SEC16A: variants seen among roughly 807,000 people sequenced by gnomAD.
SEC16A encodes SEC16 homolog A, endoplasmic reticulum export factor.
In SEC16A, 110 loss-of-function variants were observed where a neutral mutation model predicts 221.9. That is an observed-to-expected ratio of 0.50 (90% CI 0.42 to 0.58). The LOEUF (loss-of-function observed/expected upper bound fraction) is 0.58, where lower values mean the gene tolerates loss of function less well. Among genes scored for constraint, SEC16A ranks in the 20% least tolerant of loss-of-function variants. SEC16A has a pLI of 0.00. For synonymous variants in SEC16A, 1,393 were observed against 1,257.7 expected, an observed-to-expected ratio of 1.11 and a Z score of -2.28; for missense variants, 3,165 against 3,097.8, an observed-to-expected ratio of 1.02 and a Z score of -0.52.
At position 136,474,636 on chromosome 9, in the gene SEC16A, G is replaced by A; in HGVS notation, c.2980C>T (p.Leu994=). The A allele has an allele frequency of 2.5e-6, 4 of 1,613,344 alleles. No homozygotes were observed. The highest frequency in any genetic ancestry group is 3.4e-6 in the Non-Finnish European group (4 of 1,179,824). ...AAAGTCCTGCTTAAGGTAAAGTCTA[G>A]GGCTCCGTAAGTGTCTTCCTGATGA... ...SSHQEDTYGA[L]DFTLSRTLEN... The change falls in exon 3 of 32, where the codon CTA becomes TTA. Residue 994 remains leucine (L), a synonymous_variant. Transcript: ENST00000684901.
At chr9:136,467,141 A>G in intron 5 of SEC16A, 58 bp from the exon 6 acceptor site, 2 of 1,601,988 alleles carry the variant, frequency 1.2e-6, no homozygotes, top group Non-Finnish European at 1.7e-6. Context: ...AATGCCTCAG[A>G]TATCACTAAA....
At position 136,474,377 on chromosome 9, in the gene SEC16A, T is replaced by C. The variant is rs1482084211; in HGVS notation, c.3239A>G (p.Glu1080Gly). 1.2e-6 allele frequency: 2 copies of C among 1,612,598 alleles called. No homozygotes were observed. The highest frequency in any genetic ancestry group is 1.7e-6 in the Non-Finnish European group (2 of 1,179,890). ...PPQLPKAMFS[E>G]LSNPESLPAQ... ...GGGCAGACTTTCTGGATTTGACAGC[T>C]CCGAAAACATGGCTTTGGGTAGTTG... The change falls in exon 3 of 32, where the codon GAG becomes GGG. Residue 1080 changes from glutamate to glycine, a missense_variant. Transcript: ENST00000684901.
chr9:136,455,735 G>A lies in SEC16A; in HGVS notation c.5723C>T (p.Pro1908Leu), dbSNP rs765866193. The A allele has an allele frequency of 9.4e-6, 15 of 1,597,756 alleles. No individual in the cohort carries two copies. Among genetic ancestry groups the A allele is most frequent in the African/African-American group, 2.7e-5 (2 of 74,508 alleles). The change falls in exon 20 of 32, where the codon CCG becomes CTG. Residue 1908 changes from proline to leucine, a missense_variant. Physicochemically the swap from Pro to Leu is moderately conservative, Grantham distance 98. Coordinates refer to ENST00000684901, the MANE Select transcript of SEC16A (RefSeq NM_014866.2). Reference protein sequence around the residue: ...GALPQQCPGTPSSEMEQLDRP... With the variant: ...GALPQQCPGTLSSEMEQLDRP... ...GTCCAACTGCTCCATCTCGGAACTC[G>A]GAGTGCCAGGACACTGCTGCGGGAG...
In SEC16A at chr9:136,459,303, G is replaced by A. The variant is rs897957475; in HGVS notation, c.5304-64C>T. On this transcript the variant is annotated intron_variant, in intron 16 of 31. Transcript: ENST00000684901. This position sits in a 1 kb window ranked among gnomAD's most constrained non-coding sequence, Gnocchi z 6.1. ...GCCAATTATTGGCATAGTCAACCTT[G>A]GAGCAAATCATCCAGAAGTGTGTCC... 2.6e-6 allele frequency: 4 copies of A among 1,513,354 alleles called. No individual in the cohort carries two copies. The highest frequency in any genetic ancestry group is 1.4e-5 in the African/African-American group (1 of 72,952). The allele number at this position is 1,513,354 out of a possible 1,614,324, so 93.7% of individuals were successfully genotyped here. A position where few individuals can be genotyped will look rare whatever the true frequency, so the allele number is the denominator to read the frequency against.
At chr9:136,484,544 G>T, upstream of SEC16A, 1 of 1,300,780 alleles carries the variant, frequency 7.7e-7, no homozygotes, top group East Asian at 4.8e-5. Flanking sequence ...GCGCCGTGGT[G>T]GGGGTGCCCG....
Position 136,475,935 on chromosome 9 carries a change from T to C in SEC16A, c.1681A>G (p.Ser561Gly). Residue 561 changes from serine to glycine, a missense_variant, in exon 3 of 32, where the codon AGT (serine) becomes GGT (glycine). Coordinates refer to ENST00000684901, the MANE Select transcript of SEC16A (RefSeq NM_014866.2). This position sits in a 1 kb window ranked among gnomAD's most constrained non-coding sequence, Gnocchi z 5.0. Reference sequence around the variant, plus strand: ...GAAGAATCGATTTGCTTAAAAAAACTACCTGAAGCTTCATCCTCGGGTTTT... The same window carrying C: ...GAAGAATCGATTTGCTTAAAAAAACCACCTGAAGCTTCATCCTCGGGTTTT... ...VGKPEDEASG[S>G]FFKQIDSSPV... The C allele has an allele frequency of 6.2e-7, 1 of 1,613,710 alleles. No individual in the cohort carries two copies. Among genetic ancestry groups the C allele is most frequent in the Non-Finnish European group, 8.5e-7 (1 of 1,179,874 alleles).
intron 23 of SEC16A, among the ~76,000 whole-genome samples, chr9:136,449,281 C>T (rs1304873691): frequency 2.0e-5 from 3 of 152,184 alleles, no homozygotes; most frequent in South Asian, 2.1e-4. Flanking sequence ...GACAGAGTCT[C>T]GCTCTGTCCC....
chr9:136,466,543 G>A lies in SEC16A; in HGVS notation c.3930-81C>T. 2 of 1,367,350 alleles carry A rather than the reference G, an allele frequency of 1.5e-6. No homozygotes were observed. Among genetic ancestry groups the A allele is most frequent in the Non-Finnish European group, 2.0e-6 (2 of 1,013,510 alleles). 84.7% of individuals were successfully genotyped at this position (1,367,350 alleles called of 1,614,324 possible). ...CCATGTGCCACGCAGCTGCCCAGGA[G>A]CTGAGACCGAGACCCCTGGGGCCGA... On this transcript the variant is annotated intron_variant, in intron 6 of 31. Coordinates refer to ENST00000684901, the MANE Select transcript of SEC16A (RefSeq NM_014866.2). The surrounding 1 kb of genome is among the most constrained non-coding windows in gnomAD (Gnocchi z 5.5).
intron 3 of SEC16A, 51 bp downstream of exon 3, chr9:136,473,998 T>A: frequency 6.5e-7 from 1 of 1,536,234 alleles, no homozygotes; most frequent in Non-Finnish European, 8.8e-7. Context: ...GAGACTCAAC[T>A]GGTCAAAGCA....
rs776918665 is a variant in SEC16A at position 136,472,081 on chromosome 9, T to A, written c.3598A>T (p.Arg1200Trp). Reference sequence around the variant, plus strand: ...GCAGACGCAGCACCATCATAGGGCCTGTATCGAGGCTCATAGAGGCTGTAG... The same window carrying A: ...GCAGACGCAGCACCATCATAGGGCCAGTATCGAGGCTCATAGAGGCTGTAG... ...DVYSLYEPRY[R>W]PYDGAASAYA... is the part of the protein sequence containing the mutation. Residue 1200 changes from arginine (R) to tryptophan (W), a missense_variant, in exon 4 of 32, where the codon AGG becomes TGG. Arg to Trp is a moderately radical substitution (Grantham distance 101, BLOSUM62 -3). Around this residue, in one of 3 missense-constraint regions of SEC16A, gnomAD observed 2,030 missense variants for 1,923.1 expected, o/e 1.06. Coordinates refer to ENST00000684901, the MANE Select transcript of SEC16A (RefSeq NM_014866.2). The A allele has an allele frequency of 6.2e-7, 1 of 1,613,700 alleles. No individual in the cohort carries two copies. The highest frequency in any genetic ancestry group is 8.5e-7 in the Non-Finnish European group (1 of 1,179,888).
intron 2 of SEC16A, among the ~76,000 whole-genome samples, chr9:136,477,999 C>G (rs1037119297): frequency 1.3e-5 from 2 of 152,324 alleles, no homozygotes; most frequent in African/African-American, 4.8e-5. Context: ...GCCACAACAA[C>G]AGGGACAGTG....
rs1056116403 is a variant in SEC16A at position 136,447,088 on chromosome 9, C to A, written c.6697+139G>T. The stretch of plus-strand genomic sequence containing the variant: ...AGAAACAGGCAAATCAAAAAAAAAA[C>A]CACAAACCAACCCCAGGCTCTCTGC... On this transcript the variant is annotated intron_variant, in intron 27 of 31. Coordinates refer to ENST00000684901, the MANE Select transcript of SEC16A (RefSeq NM_014866.2). This position sits in a 1 kb window ranked among gnomAD's most constrained non-coding sequence, Gnocchi z 5.5. 6.6e-6 allele frequency: 10 copies of A among 1,513,726 alleles called. No homozygotes were observed. The South Asian group carries it at 1.0e-4, about 16-fold the overall frequency. 93.8% of individuals were successfully genotyped at this position (1,513,726 alleles called of 1,614,324 possible).
At chr9:136,461,736 G>A (rs1839508400) in intron 12 of SEC16A, among the ~76,000 whole-genome samples, 2 of 152,130 alleles carry the variant, frequency 1.3e-5, no homozygotes, top group South Asian at 2.1e-4. Flanking sequence ...AGGCAAAAAC[G>A]TTACAGTAGA....
Position 136,464,471 on chromosome 9 carries a change from G to A in SEC16A, c.4395C>T (p.Pro1465=). 3 of 1,612,920 alleles carry A rather than the reference G, an allele frequency of 1.9e-6. No homozygotes were observed. Among genetic ancestry groups the A allele is most frequent in the South Asian group, 1.1e-5 (1 of 91,050 alleles). ...CCGGCTGTCCTTCTGAAGGCAGATT[G>A]GGAATCACTTTGATAAGCTGACCGC... ...GPGGQLIKVI[P]NLPSEGQPAL... The change falls in exon 9 of 32, where the codon CCC becomes CCT. Residue 1465 remains proline, a synonymous_variant. Coordinates refer to ENST00000684901, the MANE Select transcript of SEC16A (RefSeq NM_014866.2).
intron 20 of SEC16A, 56 bp from the exon 21 acceptor site, chr9:136,454,383 T>C: frequency 1.4e-6 from 2 of 1,444,984 alleles, no homozygotes; most frequent in Non-Finnish European, 1.9e-6. Flanking sequence ...CTTGAGTTAC[T>C]GGAAGGAGCT....
Position 136,447,637 on chromosome 9 carries a change from A to G in SEC16A, c.6491T>C (p.Val2164Ala). ...TGGGAGGGCAGGCGGGGCAGCTTGC[A>G]CAGTCTTGGGCATCGAGGTTGGAGG... ...PPPPTSMPKT[V>A]QAAPPALPGP... is the part of the protein sequence containing the mutation. The change falls in exon 26 of 32, where the codon GTG becomes GCG. Residue 2164 changes from valine (V) to alanine (A), a missense_variant. Physicochemically the swap from Val to Ala is moderately conservative, Grantham distance 64. This residue lies in a region of SEC16A where 1,088 missense variants were observed against 1,089.6 expected (regional missense o/e 1.00). Coordinates refer to ENST00000684901, the MANE Select transcript of SEC16A (RefSeq NM_014866.2). This position sits in a 1 kb window ranked among gnomAD's most constrained non-coding sequence, Gnocchi z 5.5. 1 of 1,613,780 alleles carries G rather than the reference A, an allele frequency of 6.2e-7. No homozygotes were observed. Among genetic ancestry groups the G allele is most frequent in the Non-Finnish European group, 8.5e-7 (1 of 1,179,738 alleles).
intron 20 of SEC16A, 147 bp from the exon 21 acceptor site, chr9:136,454,474 G>A (rs1297056713): frequency 1.2e-6 from 1 of 800,992 alleles, no homozygotes; most frequent in African/African-American, 1.7e-5. Context: ...CAGAAAGCCT[G>A]AAGCCACCAC....
intron 20 of SEC16A, among the ~76,000 whole-genome samples, chr9:136,455,277 C>G (rs1195914082): frequency 1.3e-5 from 2 of 152,156 alleles, no homozygotes; most frequent in Non-Finnish European, 2.9e-5. Context: ...GGGCGCCGCC[C>G]AGACACGGTG....
chr9:136,472,043 G>T lies in SEC16A; in HGVS notation c.3636C>A (p.Asn1212Lys), dbSNP rs753212791. 1.2e-6 allele frequency: 2 copies of T among 1,613,200 alleles called. No individual in the cohort carries two copies. Among genetic ancestry groups the T allele is most frequent in the Non-Finnish European group, 1.7e-6 (2 of 1,179,888 alleles). ...YDGAASAYAQ[N>K]YRYPEPERPS... is the part of the protein sequence containing the mutation. ...GCCGCTCGGGCTCGGGATAGCGGTAGTTCTGGGCGTAAGCAGACGCAGCAC... is the reference window on the plus strand; with the variant it reads ...GCCGCTCGGGCTCGGGATAGCGGTATTTCTGGGCGTAAGCAGACGCAGCAC... The change falls in exon 4 of 32, where the codon AAC (asparagine) becomes AAA (lysine). Residue 1212 changes from asparagine to lysine, a missense_variant. Asn to Lys is a moderately conservative substitution (Grantham distance 94). Coordinates refer to ENST00000684901, the MANE Select transcript of SEC16A (RefSeq NM_014866.2).
Sources: allele counts gnomAD v4.1 joint callset (sites outside exome capture counted in the v4.1 genomes callset), GRCh38; gene constraint gnomAD v4.1.1; regional missense constraint gnomAD v4.1.1; non-coding constraint Gnocchi (gnomAD v3.1); transcripts MANE v1.5; gene names NCBI Gene and HGNC (gene_info 2026-07-23, HGNC 2026-07-21).